Variants in DLG2 observed in about 807,000 individuals in gnomAD.
DLG2 encodes discs large MAGUK scaffold protein 2.
DLG2 carries 45 observed loss-of-function variants against 132.5 expected under a neutral mutation model. That is an observed-to-expected ratio of 0.34 (90% CI 0.27 to 0.44). The LOEUF is 0.44. Among genes scored for constraint, DLG2 ranks in the 20% least tolerant of loss-of-function variants. The probability of loss-of-function intolerance (pLI) is 1.00; values close to 1 mark genes in which losing one functional copy is unlikely to be tolerated. For missense variants in DLG2, 1,045 were observed against 1,196.9 expected (o/e 0.87, Z 1.87); for synonymous variants, 424 against 419.6 (o/e 1.01, Z -0.13).
chr11:85,357,238 T>TTGTGTG (rs71036472), intron 3 of DLG2, among the ~76,000 whole-genome samples: 6,157 of 118,124 alleles, frequency 0.052, 202 homozygotes, highest in Middle Eastern at 0.063. Context: ...AATATCCTCT[T>TTGTGTG]TGTGTGTGTG....
intron 8 of DLG2, among the ~76,000 whole-genome samples, chr11:84,232,374 G>A (rs2097105179): frequency 6.6e-6 from 1 of 152,090 alleles, no homozygotes; most frequent in Admixed American, 6.5e-5. Flanking sequence ...AACAGTACCT[G>A]GCACAAGTAG....
intron 7 of DLG2, among the ~76,000 whole-genome samples, chr11:84,329,635 C>T (rs1567971): frequency 0.37 from 56,335 of 152,000 alleles, 10,914 homozygotes; most frequent in African/African-American, 0.48. Flanking sequence ...CTTAGGCAGT[C>T]CTTTATAGCA....
At chr11:84,090,745 A>G (rs1184732449) in intron 10 of DLG2, among the ~76,000 whole-genome samples, 2 of 152,226 alleles carry the variant, frequency 1.3e-5, no homozygotes, top group Admixed American at 6.5e-5. Context: ...TCATTCTATC[A>G]GGTTCAGAAA....
chr11:84,761,387 A>G (rs2067609051), intron 6 of DLG2, among the ~76,000 whole-genome samples: 1 of 152,154 alleles, frequency 6.6e-6, no homozygotes. Context: ...GCAAGTGTCA[A>G]CTTTATTGGA....
intron 6 of DLG2, among the ~76,000 whole-genome samples, chr11:84,959,454 A>T (rs543368965): frequency 6.6e-6 from 1 of 152,178 alleles, no homozygotes. Context: ...TACTTGGCAA[A>T]CACCTTCTAG....
chr11:84,335,523 C>T (rs2098480552), intron 7 of DLG2, among the ~76,000 whole-genome samples: 3 of 152,126 alleles, frequency 2.0e-5, no homozygotes, highest in Admixed American at 2.0e-4. Context: ...TGAGGTGACC[C>T]TTGTAAAGTA....
rs533802842 is a variant in DLG2, at chr11:85,271,253, A to G, written c.186+13967T>C. ...CAAGCCTTGGCTGCTTTCATGTGGCATTGAGCCTATGGGTACACAGAAGTC... is the reference window on the plus strand; with the variant it reads ...CAAGCCTTGGCTGCTTTCATGTGGCGTTGAGCCTATGGGTACACAGAAGTC... On this transcript the variant is annotated intron_variant, in intron 4 of 27. Coordinates refer to ENST00000376104, the MANE Select transcript of DLG2 (RefSeq NM_001142699.3). Among the ~76,000 whole-genome samples the G allele has an allele frequency of 2.6e-5, 4 of 152,342 alleles. No homozygotes were observed. In the South Asian group the frequency reaches 6.2e-4, roughly 24 times the overall value.
At chr11:83,603,264 C>T (rs1199214338) in intron 19 of DLG2, among the ~76,000 whole-genome samples, 1 of 152,136 alleles carries the variant, frequency 6.6e-6, no homozygotes, top group Non-Finnish European at 1.5e-5. Context: ...AATTTCCTTC[C>T]TAAGTACTCT....
At chr11:84,021,881 G>C (rs1380212951) in intron 11 of DLG2, among the ~76,000 whole-genome samples, 1 of 151,954 alleles carries the variant, frequency 6.6e-6, no homozygotes, top group South Asian at 2.1e-4. Flanking sequence ...CCAGGTAGCT[G>C]GGACTACAGG....
At chr11:84,650,869 GTGTGTATATATA>G (rs2099680909) in intron 6 of DLG2, among the ~76,000 whole-genome samples, 1 of 121,664 alleles carries the variant, frequency 8.2e-6, no homozygotes, top group African/African-American at 4.0e-5. Flanking sequence ...GTGTGTGTGT[GTGTGTATATATA>G]TATATATATA....
chr11:84,994,535 C>A (rs1304056921), intron 6 of DLG2, among the ~76,000 whole-genome samples: 1 of 151,984 alleles, frequency 6.6e-6, no homozygotes, highest in Non-Finnish European at 1.5e-5. Flanking sequence ...TCTTATGTAC[C>A]AGTATATGAA....
intron 7 of DLG2, among the ~76,000 whole-genome samples, chr11:84,289,237 T>C (rs2097952432): frequency 6.6e-6 from 1 of 152,054 alleles, no homozygotes; most frequent in African/African-American, 2.4e-5. Context: ...CTTTCAAAAA[T>C]GGGAAACAAA....
intron 7 of DLG2, among the ~76,000 whole-genome samples, chr11:84,447,307 T>G (rs1005399070): frequency 6.6e-6 from 1 of 152,172 alleles, no homozygotes; most frequent in Non-Finnish European, 1.5e-5. Flanking sequence ...ATAGCCTGAG[T>G]GCAATAAAAA....
intron 6 of DLG2, among the ~76,000 whole-genome samples, chr11:84,661,233 G>A (rs953103978): frequency 6.6e-5 from 10 of 152,180 alleles, no homozygotes; most frequent in Non-Finnish European, 1.2e-4. Flanking sequence ...ATGGTCTAGA[G>A]ATGTTGTGAG....
intron 7 of DLG2, among the ~76,000 whole-genome samples, chr11:84,329,862 A>T (rs1051366315): frequency 2.6e-5 from 4 of 152,134 alleles, no homozygotes; most frequent in African/African-American, 9.7e-5. Flanking sequence ...TACGCACCTC[A>T]TTTTTCCTGG....
intron 7 of DLG2, among the ~76,000 whole-genome samples, chr11:84,490,994 G>T (rs1308569927): frequency 2.6e-5 from 4 of 151,962 alleles, no homozygotes; most frequent in African/African-American, 4.8e-5. Context: ...AGGATAAAGA[G>T]GTTAAGACAT....
At chr11:84,152,547 C>T (rs185965376) in intron 9 of DLG2, among the ~76,000 whole-genome samples, 5 of 151,762 alleles carry the variant, frequency 3.3e-5, no homozygotes, top group African/African-American at 4.8e-5. Flanking sequence ...CCACCATGCC[C>T]GGCTAATTTT....
At chr11:83,566,519 C>G (rs1210313321) in intron 19 of DLG2, among the ~76,000 whole-genome samples, 3 of 151,890 alleles carry the variant, frequency 2.0e-5, no homozygotes, top group Non-Finnish European at 4.4e-5. Flanking sequence ...CTGGCTCTGC[C>G]TACACTTGAC....
At chr11:85,178,359 T>C (rs1294840125) in intron 4 of DLG2, among the ~76,000 whole-genome samples, 1 of 152,028 alleles carries the variant, frequency 6.6e-6, no homozygotes, top group Non-Finnish European at 1.5e-5. Context: ...TTTTGGAGAA[T>C]CTGAGTAAAA....
Sources: allele counts gnomAD v4.1 joint callset (sites outside exome capture counted in the v4.1 genomes callset), GRCh38; gene constraint gnomAD v4.1.1; transcripts MANE v1.5; gene names NCBI Gene and HGNC (gene_info 2026-07-23, HGNC 2026-07-21).